The following AGTPBP1 variants were observed in gnomAD, a reference collection of about 807,000 sequenced individuals.
AGTPBP1 encodes the protein cytosolic carboxypeptidase 1.
AGTPBP1 carries 70 observed loss-of-function variants against 143.9 expected under a neutral mutation model. That is an observed-to-expected ratio of 0.49 (90% CI 0.40 to 0.59). The LOEUF (loss-of-function observed/expected upper bound fraction) is 0.59, where lower values mean the gene tolerates loss of function less well. Ranked by LOEUF, AGTPBP1 falls within the 20% of genes least tolerant of loss-of-function variation. AGTPBP1 has a pLI of 0.00. For synonymous variants in AGTPBP1, 463 were observed against 500.2 expected, an observed-to-expected ratio of 0.93 and a Z score of 0.99; for missense variants, 1,229 against 1,464.5, an observed-to-expected ratio of 0.84 and a Z score of 2.62.
chr9:85,776,760 G>A, the AGTPBP1 span, among the ~76,000 whole-genome samples: 5 of 152,102 alleles, frequency 3.3e-5, no homozygotes, highest in Admixed American at 3.3e-4. Context: ...TGTTGGCAGT[G>A]TTCCTTCCTC....
the AGTPBP1 span, among the ~76,000 whole-genome samples, chr9:85,748,673 T>C: frequency 6.6e-6 from 1 of 152,234 alleles, no homozygotes; most frequent in East Asian, 1.9e-4. Flanking sequence ...GTCTTTCTTA[T>C]GCATATCCAA....
intron 8 of AGTPBP1, among the ~76,000 whole-genome samples, chr9:85,667,217 C>T (rs543001230): frequency 6.6e-6 from 1 of 152,212 alleles, no homozygotes; most frequent in South Asian, 2.1e-4. Context: ...AATTCTTACA[C>T]AGCTGTAACT....
chr9:85,755,718 G>C, the AGTPBP1 span, among the ~76,000 whole-genome samples: 1 of 152,200 alleles, frequency 6.6e-6, no homozygotes, highest in Non-Finnish European at 1.5e-5. Flanking sequence ...ACGTAGGGCA[G>C]CCACCAGTGT....
At chr9:85,566,483 T>A (rs1379048744) in intron 25 of AGTPBP1, among the ~76,000 whole-genome samples, 1 of 132,584 alleles carries the variant, frequency 7.5e-6, no homozygotes, top group Non-Finnish European at 1.5e-5. Context: ...TGAACTATGA[T>A]CATGCCACTG....
intron 14 of AGTPBP1, among the ~76,000 whole-genome samples, chr9:85,627,724 T>C (rs896525401): frequency 1.3e-5 from 2 of 152,198 alleles, no homozygotes; most frequent in African/African-American, 4.8e-5. Context: ...CTTCAGCCAG[T>C]TGACAAGAAT....
At chr9:85,655,705 A>C (rs974220625) in intron 10 of AGTPBP1, among the ~76,000 whole-genome samples, 2 of 147,810 alleles carry the variant, frequency 1.4e-5, no homozygotes, top group South Asian at 2.2e-4. Context: ...AAAAAAAAAA[A>C]CACGCATTTG....
intron 25 of AGTPBP1, among the ~76,000 whole-genome samples, chr9:85,550,444 T>G (rs1467923679): frequency 6.6e-6 from 1 of 152,130 alleles, no homozygotes; most frequent in African/African-American, 2.4e-5. Context: ...TTCTGTCCCT[T>G]CTCAATGGTA....
At chr9:85,591,479 G>C (rs922943926) in intron 19 of AGTPBP1, among the ~76,000 whole-genome samples, 13 of 152,088 alleles carry the variant, frequency 8.5e-5, no homozygotes, top group African/African-American at 2.4e-4. Context: ...TAGGGGGATT[G>C]AAAGAAAGCA....
At position 85,646,326 on chromosome 9, in the gene AGTPBP1, A is replaced by C. The variant is rs1438100783; in HGVS notation, c.1180T>G (p.Phe394Val). The C allele has an allele frequency of 3.7e-6, 6 of 1,611,426 alleles. No homozygotes were observed. Among genetic ancestry groups the C allele is most frequent in the East Asian group, 2.2e-5 (1 of 44,750 alleles). ...TTACAGAAATTTATACTAACCTTAA[A>C]ATTTTGATCTAGGTCATCTTCATTC... Reference protein sequence around the residue: ...TENEDDLDQNFKNDDIETDIN... With the variant: ...TENEDDLDQNVKNDDIETDIN... Residue 394 changes from phenylalanine (F) to valine (V), a missense_variant, in exon 12 of 26, where the codon TTT becomes GTT. By Grantham distance (50) the Phe-to-Val change is conservative (BLOSUM62 -1). This residue lies in a region of AGTPBP1 where 743 missense variants were observed against 812.2 expected (regional missense o/e 0.91). Coordinates refer to ENST00000357081, the MANE Select transcript of AGTPBP1 (RefSeq NM_001330701.2).
chr9:85,669,699 C>T (rs1834363304), intron 7 of AGTPBP1, 121 bp from the exon 8 acceptor site: 1 of 578,602 alleles, frequency 1.7e-6, no homozygotes, highest in African/African-American at 1.9e-5. Flanking sequence ...ACTCAAGTCA[C>T]CTTAAAGTCC....
the AGTPBP1 span, among the ~76,000 whole-genome samples, chr9:85,748,621 G>A: frequency 6.6e-6 from 1 of 152,200 alleles, no homozygotes; most frequent in Non-Finnish European, 1.5e-5. Context: ...TGATATATCA[G>A]TTGGGTGTGC....
intron 1 of AGTPBP1, among the ~76,000 whole-genome samples, chr9:85,716,559 T>C (rs973905301): frequency 6.6e-6 from 1 of 152,212 alleles, no homozygotes; most frequent in African/African-American, 2.4e-5. Flanking sequence ...CTTAGCTTCA[T>C]CCTTGTCTCC....
chr9:85,724,014 C>T (rs757596269), intron 1 of AGTPBP1, among the ~76,000 whole-genome samples: 1 of 152,078 alleles, frequency 6.6e-6, no homozygotes, highest in African/African-American at 2.4e-5. Context: ...TGGCCGGGTA[C>T]GGTGGCTCAT....
chr9:85,654,514 G>C (rs1055194881), intron 11 of AGTPBP1, among the ~76,000 whole-genome samples: 4 of 151,944 alleles, frequency 2.6e-5, no homozygotes, highest in Non-Finnish European at 5.9e-5. Flanking sequence ...AATTTACCTA[G>C]ACATTTAATG....
At chr9:85,717,130 A>C (rs891885417) in intron 1 of AGTPBP1, among the ~76,000 whole-genome samples, 8 of 152,196 alleles carry the variant, frequency 5.3e-5, no homozygotes, top group Admixed American at 2.6e-4. Context: ...TCCAGACCCT[A>C]GCATACCCAT....
intron 17 of AGTPBP1, among the ~76,000 whole-genome samples, chr9:85,612,480 G>C (rs1358343775): frequency 6.6e-6 from 1 of 152,146 alleles, no homozygotes; most frequent in Non-Finnish European, 1.5e-5. Context: ...GGACCTACCT[G>C]TTCATCGGGC....
In AGTPBP1 at chr9:85,712,529, C is replaced by T. The variant is rs766216741; in HGVS notation, c.5G>A (p.Ser2Asn). 12 of 1,502,146 alleles carry T rather than the reference C, an allele frequency of 8.0e-6. No homozygotes were observed. Among genetic ancestry groups the T allele is most frequent in the Non-Finnish European group, 1.1e-5 (12 of 1,112,564 alleles). 93.1% of individuals were successfully genotyped at this position (1,502,146 alleles called of 1,614,324 possible). ...TTTTTCTGGTATCACTTTTAACTTG[C>T]TCATCTTGAGTTACTTCATTTCATA... M[S>N]KLKVIPEKSL... is the part of the protein sequence containing the mutation. Residue 2 changes from serine to asparagine, a missense_variant, in exon 2 of 26, where the codon AGC (serine) becomes AAC (asparagine). Physicochemically the swap from Ser to Asn is conservative, Grantham distance 46 (BLOSUM62 1). Transcript: ENST00000357081.
chr9:85,760,069 G>A, the AGTPBP1 span, among the ~76,000 whole-genome samples: 1 of 152,110 alleles, frequency 6.6e-6, no homozygotes, highest in Non-Finnish European at 1.5e-5. Context: ...ACTAAACCAG[G>A]AGGAAGTTGA....
At chr9:85,752,506 G>A in the AGTPBP1 span, among the ~76,000 whole-genome samples, 10 of 152,144 alleles carry the variant, frequency 6.6e-5, no homozygotes, top group South Asian at 1.0e-3. Flanking sequence ...TCCTTGTTAC[G>A]CTAATGTGTA....
Sources: allele counts gnomAD v4.1 joint callset (sites outside exome capture counted in the v4.1 genomes callset), GRCh38; gene constraint gnomAD v4.1.1; regional missense constraint gnomAD v4.1.1; transcripts MANE v1.5; gene names NCBI Gene and HGNC (gene_info 2026-07-23, HGNC 2026-07-21).